Variants in TOMM7 observed in about 807,000 individuals in gnomAD.
TOMM7 encodes the protein mitochondrial import receptor subunit TOM7 homolog.
In TOMM7, 8 loss-of-function variants were observed where a neutral mutation model predicts 9.5. The ratio of observed to expected loss-of-function variants is 0.84; its 90% CI spans 0.49 to 1.51. The LOEUF (loss-of-function observed/expected upper bound fraction) is 1.51, where lower values mean the gene tolerates loss of function less well. Among genes scored for constraint, TOMM7 ranks in the 40% most tolerant of loss-of-function variants. TOMM7 has a pLI of 0.00. For missense variants in TOMM7, 74 were observed against 63.7 expected (o/e 1.16, Z -0.55); for synonymous variants, 27 against 21.4 (o/e 1.26, Z -0.72).
At chr7:22,816,067 C>G (rs1782313336) in intron 2 of TOMM7, among the ~76,000 whole-genome samples, 1 of 152,076 alleles carries the variant, frequency 6.6e-6, no homozygotes, top group African/African-American at 2.4e-5. Flanking sequence ...ATAGCTAGAG[C>G]ACTGTTTTCA....
At chr7:22,822,490 A>C in intron 1 of TOMM7, 187 bp downstream of exon 1, 1 of 709,032 alleles carries the variant, frequency 1.4e-6, no homozygotes, top group Non-Finnish European at 2.4e-6. Context: ...AAGACCATGC[A>C]ACTATAAAGC....
At chr7:22,816,620 C>A (rs947782728) in intron 2 of TOMM7, among the ~76,000 whole-genome samples, 6 of 152,170 alleles carry the variant, frequency 3.9e-5, no homozygotes, top group Non-Finnish European at 7.3e-5. Context: ...TCAGGGAAAA[C>A]AGAATAACTG....
At chr7:22,821,168 T>TTGGGAGGCCGAGGCGGGC (rs1163529179) in intron 1 of TOMM7, among the ~76,000 whole-genome samples, 3 of 152,024 alleles carry the variant, frequency 2.0e-5, no homozygotes, top group African/African-American at 7.2e-5. Flanking sequence ...TCCCAGCACT[T>TTGGGAGGCCGAGGCGGGC]TGGGAGGCCG....
intron 2 of TOMM7, among the ~76,000 whole-genome samples, chr7:22,816,551 A>C (rs1481369089): frequency 6.6e-6 from 1 of 152,266 alleles, no homozygotes; most frequent in East Asian, 1.9e-4. Flanking sequence ...ATAAACAGTT[A>C]AAGGAAGAGA....
intron 2 of TOMM7, among the ~76,000 whole-genome samples, chr7:22,815,413 C>A (rs780186077): frequency 6.6e-6 from 1 of 151,970 alleles, no homozygotes; most frequent in Non-Finnish European, 1.5e-5. Context: ...ACCACCAAGA[C>A]GGCCAGGTGC....
chr7:22,819,168 T>C (rs1782354250), intron 1 of TOMM7, among the ~76,000 whole-genome samples: 1 of 152,146 alleles, frequency 6.6e-6, no homozygotes, highest in East Asian at 1.9e-4. Context: ...TGTTCACTTG[T>C]TGAAGCAACT....
chr7:22,822,485 C>A, intron 1 of TOMM7, 192 bp downstream of exon 1: 1 of 703,070 alleles, frequency 1.4e-6, no homozygotes, highest in Non-Finnish European at 2.4e-6. Context: ...GCTTAAAGAC[C>A]ATGCAACTAT....
chr7:22,822,821 C>G lies in TOMM7; in HGVS notation c.-42G>C. On this transcript the variant is annotated 5_prime_UTR_variant, in exon 1 of 3. Coordinates refer to ENST00000358435, the MANE Select transcript of TOMM7 (RefSeq NM_019059.5). ...CGCAGGGAGGACCCCTTACAGCAAC[C>G]ACAGCGTCGGGAATCCGAAAGGGAA... The G allele has an allele frequency of 6.5e-7, 1 of 1,534,546 alleles. No homozygotes were observed. Among genetic ancestry groups the G allele is most frequent in the Non-Finnish European group, 9.0e-7 (1 of 1,108,206 alleles).
At chr7:22,817,858 T>G in intron 2 of TOMM7, 142 bp downstream of exon 2, 1 of 650,268 alleles carries the variant, frequency 1.5e-6, no homozygotes, top group Non-Finnish European at 2.7e-6. Flanking sequence ...GAGAAAGTAG[T>G]TGCAGTTTTC....
Position 22,813,177 on chromosome 7 carries a change from C to T in TOMM7, c.161G>A (p.Trp54Ter). 3 of 1,612,976 alleles carry T rather than the reference C, an allele frequency of 1.9e-6. No individual in the cohort carries two copies. The highest frequency in any genetic ancestry group is 2.5e-6 in the Non-Finnish European group (3 of 1,179,550). Residue 54 changes from tryptophan (W) to a stop codon, truncating the protein, a stop_gained, in exon 3 of 3, where the codon TGG becomes TAG. Transcript: ENST00000358435. LOFTEE classifies it high-confidence loss of function. ...MPEPTVLSLL[W>*]G ...AGAAGACCAAATAATCCTTTATCCC[C>T]AAAGTAGGCTAAAATGTTTGTGAAG...
chr7:22,813,109 G>C lies in TOMM7; in HGVS notation c.*61C>G, dbSNP rs1339197180. The C allele has an allele frequency of 1.3e-6, 2 of 1,585,986 alleles. No homozygotes were observed. The highest frequency in any genetic ancestry group is 1.3e-5 in the African/African-American group (1 of 74,256). On this transcript the variant is annotated 3_prime_UTR_variant, in exon 3 of 3. Coordinates refer to ENST00000358435, the MANE Select transcript of TOMM7 (RefSeq NM_019059.5). ...GATGTCCCATCTCTTATCCGAGCCAGAGCACACATCTTCCATGCTGTCCGC... is the reference window on the plus strand; with the variant it reads ...GATGTCCCATCTCTTATCCGAGCCACAGCACACATCTTCCATGCTGTCCGC...
rs1293241193 is a variant in TOMM7, at chr7:22,822,680, G to T, written c.100C>A (p.Leu34Met). ...TCCCGGTTCTTCTCCCACTGACCCA[G>T]GTAAATCACAAGAGGGATAAAGCCC... ...RWGFIPLVIYLGFKRGADPGM... is the reference protein window; with the variant it reads ...RWGFIPLVIYMGFKRGADPGM... The change falls in exon 1 of 3, where the codon CTG (leucine) becomes ATG (methionine). Residue 34 changes from leucine (L) to methionine (M), a missense_variant. Transcript: ENST00000358435. 6.2e-7 allele frequency: 1 copy of T among 1,613,146 alleles called. No individual in the cohort carries two copies. Among genetic ancestry groups the T allele is most frequent in the East Asian group, 2.2e-5 (1 of 44,876 alleles).
At chr7:22,818,238 T>C (rs1782342025) in intron 1 of TOMM7, 190 bp from the exon 2 acceptor site, 1 of 545,760 alleles carries the variant, frequency 1.8e-6, no homozygotes, top group South Asian at 2.1e-5. Context: ...TGAAATTATG[T>C]CCAGGACTAA....
At chr7:22,814,959 C>T (rs1463984731) in intron 2 of TOMM7, among the ~76,000 whole-genome samples, 1 of 152,180 alleles carries the variant, frequency 6.6e-6, no homozygotes, top group African/African-American at 2.4e-5. Flanking sequence ...TTTCAGAGTA[C>T]AGATTAGGCA....
intron 1 of TOMM7, chr7:22,822,077 G>C (rs1162972750): frequency 1.3e-6 from 2 of 1,504,186 alleles, no homozygotes; most frequent in African/African-American, 2.8e-5. Context: ...ATGCCCCACT[G>C]CCTGAGCCCC....
intron 1 of TOMM7, 118 bp from the exon 2 acceptor site, chr7:22,818,166 A>G: frequency 1.2e-6 from 1 of 867,636 alleles, no homozygotes; most frequent in Non-Finnish European, 1.9e-6. Context: ...AATGATATCT[A>G]GACCAACCAG....
intron 2 of TOMM7, 63 bp from the exon 3 acceptor site, chr7:22,813,248 C>G: frequency 6.9e-7 from 1 of 1,457,852 alleles, no homozygotes; most frequent in Non-Finnish European, 9.4e-7. Context: ...CTAGACATAA[C>G]CTAAGACCTA....
chr7:22,817,843 G>T, intron 2 of TOMM7, 157 bp downstream of exon 2: 1 of 607,130 alleles, frequency 1.6e-6, no homozygotes, highest in East Asian at 2.9e-5. Flanking sequence ...AATTAGGAGG[G>T]GGAAGAGAAA....
At chr7:22,820,294 T>C (rs1489961709) in intron 1 of TOMM7, among the ~76,000 whole-genome samples, 1 of 152,184 alleles carries the variant, frequency 6.6e-6, no homozygotes, top group African/African-American at 2.4e-5. Context: ...GAATTGAATG[T>C]TGGGGTGAAA....
Sources: gnomAD v4.1 joint callset for allele counts (sites outside exome capture counted in the v4.1 genomes callset) on GRCh38, gnomAD v4.1.1 for gene constraint, MANE v1.5 for transcripts, NCBI Gene and HGNC (gene_info 2026-07-23, HGNC 2026-07-21) for gene names.